GSDMA: variants seen among roughly 807,000 people sequenced by gnomAD.
GSDMA encodes gasdermin A, also known as gasdermin-A.
In GSDMA, 55 loss-of-function variants were observed where a neutral mutation model predicts 54.3. The observed-to-expected ratio is 1.01, with a 90% confidence interval of 0.82 to 1.27. The LOEUF is 1.27. Among genes scored for constraint, GSDMA ranks in the 50% most tolerant of loss-of-function variants. The probability of loss-of-function intolerance (pLI) is 0.00; values close to 1 mark genes in which losing one functional copy is unlikely to be tolerated. For synonymous variants in GSDMA, 211 were observed against 224.7 expected (o/e 0.94, Z 0.54); for missense variants, 542 against 542.6 (o/e 1.00, Z 0.01).
intron 1 of GSDMA, among the ~76,000 whole-genome samples, chr17:39,964,211 G>C (rs1185332943): frequency 6.6e-6 from 1 of 152,150 alleles, no homozygotes; most frequent in African/African-American, 2.4e-5. Context: ...CGGAGGACTA[G>C]GGAGTCTTCA....
chr17:39,977,218 C>A lies in GSDMA; in HGVS notation c.*160C>A. The A allele has an allele frequency of 4.0e-6, 3 of 748,686 alleles. No individual in the cohort carries two copies. The highest frequency in any genetic ancestry group is 6.6e-6 in the Non-Finnish European group (3 of 455,122). The allele number at this position is 748,686 out of a possible 1,614,324, so 46.4% of individuals were successfully genotyped here. Reference sequence around the variant, plus strand: ...AACTTCCACCTGCCCAACCATATATCACCCCCTACCCCTCCAGCTCCGCAA... The same window carrying A: ...AACTTCCACCTGCCCAACCATATATAACCCCCTACCCCTCCAGCTCCGCAA... On this transcript the variant is annotated 3_prime_UTR_variant, in exon 12 of 12. Coordinates refer to ENST00000301659, the MANE Select transcript of GSDMA (RefSeq NM_178171.5).
chr17:39,967,529 C>T (rs1307153217), intron 3 of GSDMA, among the ~76,000 whole-genome samples: 1 of 152,160 alleles, frequency 6.6e-6, no homozygotes, highest in Non-Finnish European at 1.5e-5. Context: ...CAAGTGGCAG[C>T]TCCAGGAGAC....
chr17:39,970,671 AC>A, intron 4 of GSDMA, 24 bp downstream of exon 4: 1 of 1,438,292 alleles, frequency 7.0e-7, no homozygotes. Flanking sequence ...ACACACACAC[AC>A]ACACACACAC....
intron 3 of GSDMA, among the ~76,000 whole-genome samples, chr17:39,968,785 T>G (rs2144788454): frequency 6.6e-6 from 1 of 152,290 alleles, no homozygotes; most frequent in African/African-American, 2.4e-5. Context: ...GGTAGCTGAT[T>G]GCAGGATGAG....
At chr17:39,964,632 A>T (rs1048052831) in intron 1 of GSDMA, among the ~76,000 whole-genome samples, 5 of 151,862 alleles carry the variant, frequency 3.3e-5, no homozygotes, top group Non-Finnish European at 5.9e-5. Context: ...GAGTGGGTGT[A>T]CTCATACCTG....
Position 39,971,552 on chromosome 17 carries a change from C to A in GSDMA, c.587C>A (p.Thr196Asn). 1.2e-6 allele frequency: 2 copies of A among 1,613,802 alleles called. No homozygotes were observed. Among genetic ancestry groups the A allele is most frequent in the Non-Finnish European group, 8.5e-7 (1 of 1,179,740 alleles). ...QGSINHKEAV[T>N]IPKGCVLAFR... ...TCCATAAATCACAAGGAGGCTGTAA[C>A]CATCCCCAAGGGCTGCGTCCTGGCC... Residue 196 changes from threonine (T) to asparagine (N), a missense_variant, in exon 5 of 12, where the codon ACC becomes AAC. Transcript: ENST00000301659.
In GSDMA at chr17:39,976,936, C is replaced by G; in HGVS notation, c.1216C>G (p.Leu406Val). The G allele has an allele frequency of 6.2e-7, 1 of 1,614,020 alleles. No homozygotes were observed. Among genetic ancestry groups the G allele is most frequent in the Non-Finnish European group, 8.5e-7 (1 of 1,179,904 alleles). ...GACCCTCACGGAGGCTCTAGTCGGG[C>G]TGAGTGGCCTGGAAGTGCAGAGATC... ...ELTLTEALVG[L>V]SGLEVQRSGP... The change falls in exon 12 of 12, where the codon CTG (leucine) becomes GTG (valine). Residue 406 changes from leucine (L) to valine (V), a missense_variant. By Grantham distance (32) the Leu-to-Val change is conservative. Coordinates refer to ENST00000301659, the MANE Select transcript of GSDMA (RefSeq NM_178171.5).
rs552039674 is a variant in GSDMA, at chr17:39,976,689, G to A, written c.1096-127G>A. On this transcript the variant is annotated intron_variant, in intron 11 of 11. Transcript: ENST00000301659. ...ATAGGGCTGTTCAAAGACCCAGATG[G>A]GGTTGTAATGTAAGGTAAAGTAAGG... The A allele has an allele frequency of 1.4e-5, 17 of 1,247,462 alleles. 1 individual carries two copies. The South Asian group carries it at 2.2e-4, about 16-fold the overall frequency. The allele number at this position is 1,247,462 out of a possible 1,614,324, so 77.3% of individuals were successfully genotyped here.
intron 11 of GSDMA, 31 bp from the exon 12 acceptor site, chr17:39,976,785 T>C: frequency 6.2e-7 from 1 of 1,610,454 alleles, no homozygotes; most frequent in Non-Finnish European, 8.5e-7. Context: ...TTTCCAGTTC[T>C]TTCTTTTCAT....
intron 3 of GSDMA, 91 bp from the exon 4 acceptor site, chr17:39,970,391 C>G: frequency 8.0e-7 from 1 of 1,244,450 alleles, no homozygotes. Context: ...ACCACAATGT[C>G]TAGTTCCTGG....
rs756293714 is a variant in GSDMA, at chr17:39,976,918, A to AC, written c.1199dup (p.Glu401GlyfsTer82). 3 of 1,613,956 alleles carry AC rather than the reference A, an allele frequency of 1.9e-6. No homozygotes were observed. Among genetic ancestry groups the AC allele is most frequent in the Non-Finnish European group, 2.5e-6 (3 of 1,179,874 alleles). On this transcript the variant is annotated frameshift_variant, in exon 12 of 12. Transcript: ENST00000301659. LOFTEE classifies it high-confidence loss of function. ...CCTTGGGGACGAGGAGCTGACCCTCACGGAGGCTCTAGTCGGGCTGAGTGG... is the reference window on the plus strand; with the variant it reads ...CCTTGGGGACGAGGAGCTGACCCTCACCGGAGGCTCTAGTCGGGCTGAGTGG...
chr17:39,965,627 C>A, intron 1 of GSDMA, 56 bp from the exon 2 acceptor site: 1 of 1,381,686 alleles, frequency 7.2e-7, no homozygotes, highest in Non-Finnish European at 1.0e-6. Context: ...ATATCCCGGG[C>A]TCCTTGGCAG....
At chr17:39,976,242 G>A (rs1287470676) in intron 11 of GSDMA, among the ~76,000 whole-genome samples, 7 of 151,848 alleles carry the variant, frequency 4.6e-5, no homozygotes, top group Admixed American at 3.3e-4. Flanking sequence ...AGAAACTGTG[G>A]CTTTGCTTAT....
intron 11 of GSDMA, 63 bp from the exon 12 acceptor site, chr17:39,976,753 G>GT (rs1980215539): frequency 6.3e-7 from 1 of 1,588,032 alleles, no homozygotes; most frequent in South Asian, 1.1e-5. Flanking sequence ...TGTGATTTTT[G>GT]TGAGTTAGGA....
chr17:39,968,667 C>T (rs1388713782), intron 3 of GSDMA, among the ~76,000 whole-genome samples: 3 of 152,072 alleles, frequency 2.0e-5, no homozygotes, highest in Non-Finnish European at 4.4e-5. Flanking sequence ...TTCTTCTATC[C>T]CATGAGCAAC....
intron 3 of GSDMA, 75 bp downstream of exon 3, chr17:39,966,512 A>C (rs954450513): frequency 2.2e-6 from 3 of 1,333,762 alleles, no homozygotes; most frequent in Non-Finnish European, 3.1e-6. Flanking sequence ...TGGGGCCTTG[A>C]GCTGAAAGGT....
In GSDMA at chr17:39,972,570, AT is replaced by A; in HGVS notation, c.704-11del. 6.2e-7 allele frequency: 1 copy of A among 1,612,276 alleles called. No individual in the cohort carries two copies. The highest frequency in any genetic ancestry group is 1.3e-5 in the African/African-American group (1 of 74,992). On this transcript the variant is annotated splice_polypyrimidine_tract_variant and intron_variant, in intron 6 of 11. Coordinates refer to ENST00000301659, the MANE Select transcript of GSDMA (RefSeq NM_178171.5). Reference sequence around the variant, plus strand: ...ATGGGTTTTGTGCTGACAGATGTGCATTTTTTCTGTCTTCAGAAAAGTCAGG... The same window carrying A: ...ATGGGTTTTGTGCTGACAGATGTGCATTTTTCTGTCTTCAGAAAAGTCAGG...
Position 39,974,266 on chromosome 17 carries a change from C to G in GSDMA, c.752-7C>G. ...GAGGGCTGTGTGTCCCATTATTGTC[C>G]CCATAGGGGACGTACACGAAGGCTT... is the stretch of plus-strand genomic sequence containing the variant. On this transcript the variant is annotated splice_region_variant and splice_polypyrimidine_tract_variant and intron_variant, in intron 8 of 11. Coordinates refer to ENST00000301659, the MANE Select transcript of GSDMA (RefSeq NM_178171.5). 6.2e-7 allele frequency: 1 copy of G among 1,605,708 alleles called. No individual in the cohort carries two copies. Among genetic ancestry groups the G allele is most frequent in the Non-Finnish European group, 8.5e-7 (1 of 1,176,404 alleles).
chr17:39,966,315 G>A lies in GSDMA; in HGVS notation c.270G>A (p.Glu90=). The change falls in exon 3 of 12, where the codon GAG becomes GAA. Residue 90 remains glutamate, a synonymous_variant. Coordinates refer to ENST00000301659, the MANE Select transcript of GSDMA (RefSeq NM_178171.5). The stretch of plus-strand genomic sequence containing the variant: ...AGAATATGCTGGACACCCGAGTGGA[G>A]GGAGATGTGGATGTACCAAAGACGG... ...GFKNMLDTRV[E]GDVDVPKTVK... is the part of the protein sequence containing the mutation. 1.2e-6 allele frequency: 2 copies of A among 1,613,980 alleles called. No homozygotes were observed. Among genetic ancestry groups the A allele is most frequent in the Non-Finnish European group, 1.7e-6 (2 of 1,179,902 alleles).
Sources: gnomAD v4.1 joint callset for allele counts (sites outside exome capture counted in the v4.1 genomes callset) on GRCh38, gnomAD v4.1.1 for gene constraint, MANE v1.5 for transcripts, NCBI Gene and HGNC (gene_info 2026-07-23, HGNC 2026-07-21) for gene names.